OSBPL11: variants seen among roughly 807,000 people sequenced by gnomAD.
The protein encoded by OSBPL11 is oxysterol binding protein like 11, also known as oxysterol-binding protein-related protein 11.
OSBPL11 carries 33 observed loss-of-function variants against 84.4 expected under a neutral mutation model. The observed-to-expected ratio is 0.39, with a 90% CI of 0.30 to 0.52. The LOEUF (loss-of-function observed/expected upper bound fraction) is 0.52. OSBPL11 is among the 20% of genes least tolerant of loss of function. The pLI is 0.72. For missense variants in OSBPL11, 736 were observed against 901.1 expected, an observed-to-expected ratio of 0.82 and a Z score of 2.35; for synonymous variants, 276 against 310.2, an observed-to-expected ratio of 0.89 and a Z score of 1.16.
intron 5 of OSBPL11, 89 bp downstream of exon 5, chr3:125,576,100 G>C: frequency 8.4e-7 from 1 of 1,187,376 alleles, no homozygotes; most frequent in Non-Finnish European, 1.2e-6. Context: ...GGCCCTTGAA[G>C]ACACAAACAG....
At chr3:125,567,649 T>C (rs1315373548) in intron 5 of OSBPL11, 54 bp from the exon 6 acceptor site, 3 of 1,415,788 alleles carry the variant, frequency 2.1e-6, no homozygotes, top group African/African-American at 2.8e-5. Flanking sequence ...AAAACATGTA[T>C]ACATACAGTT....
At chr3:125,541,340 T>G (rs1580036250) in intron 10 of OSBPL11, among the ~76,000 whole-genome samples, 2 of 152,334 alleles carry the variant, frequency 1.3e-5, no homozygotes, top group East Asian at 3.9e-4. Context: ...TTGCCTGAAT[T>G]AATGAATGAG....
chr3:125,587,604 G>A (rs549827473), intron 1 of OSBPL11, among the ~76,000 whole-genome samples: 2 of 152,172 alleles, frequency 1.3e-5, no homozygotes, highest in Non-Finnish European at 2.9e-5. Flanking sequence ...AAGAAAACTA[G>A]GAGTATGGAA....
In OSBPL11 at chr3:125,585,102, A is replaced by C. The variant is rs1190839960; in HGVS notation, c.165-2124T>G. Among the ~76,000 whole-genome samples the C allele has an allele frequency of 2.6e-5, 4 of 152,204 alleles. No homozygotes were observed. The East Asian group carries it at 7.7e-4, about 29-fold the overall frequency. ...TAAAGTGTACAATTTCAGTAACATC[A>C]ATCGCTAAAAAGATCCCACGTGTAT... is the stretch of plus-strand genomic sequence containing the variant. On this transcript the variant is annotated intron_variant, in intron 1 of 12. Coordinates refer to ENST00000296220, the MANE Select transcript of OSBPL11 (RefSeq NM_022776.5).
At chr3:125,566,059 G>A (rs1258536905) in intron 6 of OSBPL11, among the ~76,000 whole-genome samples, 1 of 152,202 alleles carries the variant, frequency 6.6e-6, no homozygotes, top group East Asian at 1.9e-4. Context: ...AGGCTGGAGC[G>A]CAGTGGCACG....
intron 3 of OSBPL11, among the ~76,000 whole-genome samples, chr3:125,579,368 C>A (rs1348717455): frequency 6.6e-6 from 1 of 152,178 alleles, no homozygotes; most frequent in Admixed American, 6.5e-5. Flanking sequence ...ACTTTCAGAT[C>A]TGCAGGAGCA....
rs1175375828 is a variant in OSBPL11 at position 125,567,478 on chromosome 3, TG to T, written c.783del (p.Met262TrpfsTer4). 1 of 1,614,108 alleles carries T rather than the reference TG, an allele frequency of 6.2e-7. No homozygotes were observed. The highest frequency in any genetic ancestry group is 8.5e-7 in the Non-Finnish European group (1 of 1,179,982). ...TCATTTAAGCAGTTCATAGTTGCCA[TG>T]GAAGTAGCTTTGAGCATTAAGAGAT... is the stretch of plus-strand genomic sequence containing the variant. ...DQDLLMLKAT[S>X]MATMNCLNDC... On this transcript the variant is annotated frameshift_variant, in exon 6 of 13. Transcript: ENST00000296220. LOFTEE classifies it high-confidence loss of function.
At chr3:125,561,609 A>G (rs1936080599) in intron 7 of OSBPL11, among the ~76,000 whole-genome samples, 1 of 152,156 alleles carries the variant, frequency 6.6e-6, no homozygotes. Context: ...ATCATGTACC[A>G]ATCTTCTTAA....
chr3:125,542,405 G>C (rs796841974), intron 10 of OSBPL11, among the ~76,000 whole-genome samples: 44 of 150,926 alleles, frequency 2.9e-4, no homozygotes, highest in African/African-American at 1.1e-3. Context: ...GCACAATCTC[G>C]GCTCACAGCA....
intron 11 of OSBPL11, among the ~76,000 whole-genome samples, chr3:125,537,122 C>T (rs890643144): frequency 3.1e-4 from 45 of 143,940 alleles, no homozygotes; most frequent in Middle Eastern, 3.6e-3. Flanking sequence ...ATCGCCCGAC[C>T]ACACTCCAGC....
At position 125,550,538 on chromosome 3, in the gene OSBPL11, A is replaced by C. The variant is rs372212427; in HGVS notation, c.1654+1643T>G. 7.9e-5 allele frequency among the ~76,000 whole-genome samples: 12 copies of C among 152,326 alleles called. No individual in the cohort carries two copies. In the East Asian group the frequency reaches 1.7e-3, roughly 22 times the overall value. On this transcript the variant is annotated intron_variant, in intron 9 of 12. Transcript: ENST00000296220. Reference sequence around the variant, plus strand: ...AATGAGGAAAACTGAAAAAGAGGATACTTTCTTCATAACGACTATAACACA... The same window carrying C: ...AATGAGGAAAACTGAAAAAGAGGATCCTTTCTTCATAACGACTATAACACA...
At chr3:125,557,498 C>T (rs1329614308) in intron 8 of OSBPL11, among the ~76,000 whole-genome samples, 1 of 152,174 alleles carries the variant, frequency 6.6e-6, no homozygotes, top group Non-Finnish European at 1.5e-5. Context: ...TCTCCTGCCT[C>T]AACCTCCTGA....
chr3:125,556,694 C>T (rs1022147534), intron 8 of OSBPL11, among the ~76,000 whole-genome samples: 1 of 152,220 alleles, frequency 6.6e-6, no homozygotes, highest in Non-Finnish European at 1.5e-5. Context: ...CTACAAATGG[C>T]AACACAGTCC....
At chr3:125,573,366 G>A (rs757879584) in intron 5 of OSBPL11, among the ~76,000 whole-genome samples, 1 of 152,104 alleles carries the variant, frequency 6.6e-6, no homozygotes, top group Admixed American at 6.5e-5. Flanking sequence ...TGTGTTTTAA[G>A]TTTCTGTCTC....
At chr3:125,594,565 C>G (rs555812599) in intron 1 of OSBPL11, 72 bp downstream of exon 1, 12 of 1,511,532 alleles carry the variant, frequency 7.9e-6, no homozygotes, top group Non-Finnish European at 9.8e-6. Flanking sequence ...TCAACAATTG[C>G]GGGATGCAGC....
At chr3:125,542,633 C>T (rs375248816) in intron 10 of OSBPL11, among the ~76,000 whole-genome samples, 16 of 152,054 alleles carry the variant, frequency 1.1e-4, no homozygotes, top group Non-Finnish European at 1.5e-4. Context: ...CTCAGCTTCC[C>T]GAGTAGCTGG....
intron 8 of OSBPL11, among the ~76,000 whole-genome samples, chr3:125,557,905 T>C (rs956510582): frequency 6.6e-6 from 1 of 150,920 alleles, no homozygotes; most frequent in Non-Finnish European, 1.5e-5. Flanking sequence ...GCAATTCTTG[T>C]ATCTCAGCCA....
intron 5 of OSBPL11, among the ~76,000 whole-genome samples, chr3:125,569,880 T>A (rs1170285289): frequency 6.6e-6 from 1 of 152,158 alleles, no homozygotes; most frequent in Non-Finnish European, 1.5e-5. Context: ...AATAAATCTA[T>A]GGTGTTCAGG....
intron 1 of OSBPL11, among the ~76,000 whole-genome samples, chr3:125,593,195 C>T (rs114577149): frequency 2.6e-5 from 4 of 152,120 alleles, no homozygotes; most frequent in Non-Finnish European, 5.9e-5. Flanking sequence ...CGAAGCGCCA[C>T]GGACAGGGGA....
Sources: gnomAD v4.1 joint callset for allele counts (sites outside exome capture counted in the v4.1 genomes callset) on GRCh38, gnomAD v4.1.1 for gene constraint, MANE v1.5 for transcripts, NCBI Gene and HGNC (gene_info 2026-07-23, HGNC 2026-07-21) for gene names.